The following CATSPERE variants were observed in gnomAD, a reference collection of about 807,000 sequenced individuals.
CATSPERE encodes catsper channel auxiliary subunit epsilon, also known as cation channel sperm-associated auxiliary subunit epsilon.
Under a neutral mutation model 114.1 loss-of-function variants are expected in CATSPERE, and 93 were observed. That is an observed-to-expected ratio of 0.81 (90% CI 0.69 to 0.97). CATSPERE has a LOEUF of 0.97. Among genes scored for constraint, CATSPERE ranks in the 50% least tolerant of loss-of-function variants. The pLI is 0.00. For synonymous variants in CATSPERE, 341 were observed against 384.1 expected, an observed-to-expected ratio of 0.89 and a Z score of 1.31; for missense variants, 1,058 against 1,131.6, an observed-to-expected ratio of 0.93 and a Z score of 0.93.
chr1:244,547,328 A>G (rs1376908937), intron 8 of CATSPERE, among the ~76,000 whole-genome samples: 2 of 152,174 alleles, frequency 1.3e-5, no homozygotes, highest in African/African-American at 4.8e-5. Context: ...TACTAAAAGG[A>G]GTGCATTGAG....
At chr1:244,451,560 G>A, upstream of CATSPERE, 2 of 1,475,190 alleles carry the variant, frequency 1.4e-6, no homozygotes, top group Non-Finnish European at 1.8e-6. The surrounding 1 kb of genome is among the most constrained non-coding windows in gnomAD (Gnocchi z 6.6). Flanking sequence ...TTCTGGGTCC[G>A]AGTTCCCGGG....
intron 6 of CATSPERE, among the ~76,000 whole-genome samples, chr1:244,490,893 AT>A (rs1672003066): frequency 6.6e-6 from 1 of 152,206 alleles, no homozygotes; most frequent in East Asian, 1.9e-4. Flanking sequence ...TTGAAAAAAA[AT>A]TATCTTTAAA....
intron 10 of CATSPERE, 85 bp from the exon 11 acceptor site, chr1:244,572,245 A>G (rs61842363): frequency 0.12 from 81,958 of 697,528 alleles, 5,227 homozygotes; most frequent in South Asian, 0.15. Context: ...TTATCAAAGA[A>G]ATTATTTTGG....
chr1:244,542,660 A>T (rs1197542541), intron 8 of CATSPERE, among the ~76,000 whole-genome samples: 1 of 152,080 alleles, frequency 6.6e-6, no homozygotes, highest in Admixed American at 6.6e-5. Flanking sequence ...TAAAGGACAT[A>T]TTTTATTCTT....
In CATSPERE at chr1:244,585,780, G is replaced by C. The variant is rs982079905; in HGVS notation, c.2085+1841G>C. 4.6e-5 allele frequency among the ~76,000 whole-genome samples: 7 copies of C among 152,340 alleles called. No homozygotes were observed. In the South Asian group the frequency reaches 1.0e-3, roughly 23 times the overall value. On this transcript the variant is annotated intron_variant, in intron 13 of 21. Transcript: ENST00000366534. ...TTGTCTTTATCTTTTAGTGTTCAGA[G>C]CCTGCAGCAGAGCAGCAAATAGAAC...
chr1:244,481,807 T>C (rs1411451266), intron 5 of CATSPERE, among the ~76,000 whole-genome samples: 1 of 152,184 alleles, frequency 6.6e-6, no homozygotes, highest in African/African-American at 2.4e-5. Context: ...AGTGAGAAGA[T>C]AGCACCTTGA....
intron 10 of CATSPERE, among the ~76,000 whole-genome samples, chr1:244,569,545 T>C (rs1354090747): frequency 7.2e-5 from 11 of 152,246 alleles, no homozygotes; most frequent in Non-Finnish European, 1.5e-4. Context: ...GTATTTAGAA[T>C]TTGTATTTTT....
chr1:244,533,130 G>C (rs977800161), intron 8 of CATSPERE, among the ~76,000 whole-genome samples: 1 of 150,368 alleles, frequency 6.7e-6, no homozygotes, highest in African/African-American at 2.5e-5. Flanking sequence ...CTCTTTTTGT[G>C]GTTTTTGTCT....
chr1:244,519,922 C>G (rs1354545478), intron 8 of CATSPERE, among the ~76,000 whole-genome samples: 2 of 152,132 alleles, frequency 1.3e-5, no homozygotes, highest in Non-Finnish European at 2.9e-5. Flanking sequence ...CTTGATTTAA[C>G]CCACCATCAC....
intron 12 of CATSPERE, among the ~76,000 whole-genome samples, chr1:244,582,935 AT>A (rs1666421477): frequency 6.9e-4 from 1 of 1,440 alleles, no homozygotes; most frequent in African/African-American, 2.0e-3. Flanking sequence ...ATATATATAT[AT>A]ATATATATAT....
Position 244,639,943 on chromosome 1 carries a change from G to C in CATSPERE, c.2718G>C (p.Leu906=). 2 of 1,545,108 alleles carry C rather than the reference G, an allele frequency of 1.3e-6. No individual in the cohort carries two copies. Among genetic ancestry groups the C allele is most frequent in the Non-Finnish European group, 1.7e-6 (2 of 1,145,218 alleles). ...CTGATTTCAGTCCAAGTGTCTACCTGGTAGCTTCTTTCCTCTTCGTCCTGA... is the reference window on the plus strand; with the variant it reads ...CTGATTTCAGTCCAAGTGTCTACCTCGTAGCTTCTTTCCTCTTCGTCCTGA... ...FGLIPSPSVY[L]VASFLFVLML... is the part of the protein sequence containing the mutation. The change falls in exon 22 of 22, where the codon CTG becomes CTC. Residue 906 remains leucine, a synonymous_variant. Transcript: ENST00000366534.
At chr1:244,624,128 A>ATTTTTTTTTTTTTT (rs58744339) in intron 20 of CATSPERE, among the ~76,000 whole-genome samples, 71 of 125,906 alleles carry the variant, frequency 5.6e-4, no homozygotes, top group Non-Finnish European at 7.9e-4. Flanking sequence ...TGCCCAGCTA[A>ATTTTTTTTTTTTTT]TTTTTTTTTT....
intron 10 of CATSPERE, among the ~76,000 whole-genome samples, 198 bp from the exon 11 acceptor site, chr1:244,572,132 A>G (rs191964846): frequency 1.1e-4 from 16 of 152,312 alleles, no homozygotes; most frequent in Admixed American, 2.0e-4. Context: ...TCAAGAAGAA[A>G]ACTAATACAA....
chr1:244,618,934 C>T (rs938683105), intron 20 of CATSPERE, among the ~76,000 whole-genome samples: 3 of 152,204 alleles, frequency 2.0e-5, no homozygotes, highest in Non-Finnish European at 1.5e-5. Flanking sequence ...ATTGATCTAA[C>T]GTGGCAAGTA....
chr1:244,629,434 C>T (rs529131980), intron 20 of CATSPERE, among the ~76,000 whole-genome samples: 1 of 150,982 alleles, frequency 6.6e-6, no homozygotes, highest in South Asian at 2.1e-4. Flanking sequence ...GTATAAAAAG[C>T]AGGAACTTGT....
intron 18 of CATSPERE, among the ~76,000 whole-genome samples, chr1:244,609,082 A>T (rs1455703113): frequency 6.6e-6 from 1 of 152,078 alleles, no homozygotes; most frequent in Non-Finnish European, 1.5e-5. Context: ...GCTACTCGGG[A>T]GGCTGAGGCA....
At chr1:244,617,843 G>A (rs1194533296) in intron 20 of CATSPERE, among the ~76,000 whole-genome samples, 157 bp downstream of exon 20, 2 of 152,058 alleles carry the variant, frequency 1.3e-5, no homozygotes, top group East Asian at 1.9e-4. Flanking sequence ...TTCTATGTGG[G>A]TAGAAGATTT....
chr1:244,527,586 C>T (rs1252011380), intron 8 of CATSPERE, among the ~76,000 whole-genome samples: 22 of 152,108 alleles, frequency 1.4e-4, no homozygotes, highest in Admixed American at 1.3e-3. Context: ...TCCTCCTCAG[C>T]TTACGAAGAT....
chr1:244,640,070 A>G lies in CATSPERE; in HGVS notation c.2845A>G (p.Lys949Glu). 6.5e-7 allele frequency: 1 copy of G among 1,548,492 alleles called. No individual in the cohort carries two copies. The change falls in exon 22 of 22, where the codon AAG becomes GAG. Residue 949 changes from lysine to glutamate, a missense_variant. Physicochemically the swap from Lys to Glu is moderately conservative, Grantham distance 56 (BLOSUM62 1). Coordinates refer to ENST00000366534, the MANE Select transcript of CATSPERE (RefSeq NM_001130957.2). ...ACTTCACAAACCTCAAAGAAAACGTAAGAAGAATTAGGAAAACTGAAAGTT... is the reference window on the plus strand; with the variant it reads ...ACTTCACAAACCTCAAAGAAAACGTGAGAAGAATTAGGAAAACTGAAAGTT... The part of the protein sequence containing the change: ...EPLHKPQRKR[K>E]KN
Sources: allele counts gnomAD v4.1 joint callset (sites outside exome capture counted in the v4.1 genomes callset), GRCh38; gene constraint gnomAD v4.1.1; non-coding constraint Gnocchi (gnomAD v3.1); transcripts MANE v1.5; gene names NCBI Gene and HGNC (gene_info 2026-07-23, HGNC 2026-07-21).